ZFHX4: variants seen among roughly 807,000 people sequenced by gnomAD.
ZFHX4 encodes the protein zinc finger homeobox protein 4.
Under a neutral mutation model 267.6 loss-of-function variants are expected in ZFHX4, and 56 were observed. The ratio of observed to expected loss-of-function variants is 0.21; its 90% CI spans 0.17 to 0.26. The LOEUF (loss-of-function observed/expected upper bound fraction) is 0.26. ZFHX4 is among the 10% of genes least tolerant of loss of function. ZFHX4 has a pLI of 1.00. For missense variants in ZFHX4, 4,332 were observed against 4,420.0 expected, an observed-to-expected ratio of 0.98 and a Z score of 0.56; for synonymous variants, 1,778 against 1,665.6, an observed-to-expected ratio of 1.07 and a Z score of -1.64.
intron 3 of ZFHX4, among the ~76,000 whole-genome samples, chr8:76,731,432 G>T (rs919089446): frequency 6.6e-6 from 1 of 152,146 alleles, no homozygotes; most frequent in African/African-American, 2.4e-5. Context: ...AGAATTGGTT[G>T]TTTCCTCTTC....
chr8:76,787,569 G>A (rs144568510), intron 4 of ZFHX4, among the ~76,000 whole-genome samples: 3 of 150,878 alleles, frequency 2.0e-5, no homozygotes, highest in Admixed American at 6.6e-5. Context: ...TTGGAAGGCC[G>A]AGGTGGGCGG....
chr8:76,684,958 A>G (rs1807654587), intron 1 of ZFHX4, among the ~76,000 whole-genome samples: 1 of 152,218 alleles, frequency 6.6e-6, no homozygotes, highest in Admixed American at 6.5e-5. Context: ...ACAATATTAG[A>G]TCCTGCACTG....
chr8:76,744,635 A>G (rs112131675), intron 3 of ZFHX4, among the ~76,000 whole-genome samples: 2,252 of 151,920 alleles, frequency 0.015, 66 homozygotes, highest in African/African-American at 0.05. Flanking sequence ...CAGGTCTTGC[A>G]CTCCTGACCT....
At chr8:76,756,549 A>C (rs1461500249) in intron 3 of ZFHX4, among the ~76,000 whole-genome samples, 4 of 151,966 alleles carry the variant, frequency 2.6e-5, no homozygotes, top group African/African-American at 9.7e-5. Context: ...ATTTTGTCTA[A>C]TTTTAGTTCA....
chr8:76,782,030 T>G (rs1342711790), intron 4 of ZFHX4: 4 of 309,498 alleles, frequency 1.3e-5, no homozygotes, highest in Non-Finnish European at 2.6e-5. Flanking sequence ...CCATGGAATT[T>G]CCATTTTACT....
At chr8:76,693,062 G>A (rs1807863567) in intron 1 of ZFHX4, among the ~76,000 whole-genome samples, 1 of 152,114 alleles carries the variant, frequency 6.6e-6, no homozygotes, top group Admixed American at 6.5e-5. Context: ...TTGTTTAAGT[G>A]TCTCCTCAAA....
chr8:76,694,682 C>CCCTGCT (rs1807909615), intron 1 of ZFHX4, among the ~76,000 whole-genome samples: 2 of 121,352 alleles, frequency 1.6e-5, no homozygotes, highest in African/African-American at 6.0e-5. Flanking sequence ...ACCCTCCGCC[C>CCCTGCT]CCTGCTCCCG....
intron 4 of ZFHX4, among the ~76,000 whole-genome samples, chr8:76,793,445 A>G (rs906463742): frequency 2.0e-5 from 3 of 152,216 alleles, no homozygotes; most frequent in African/African-American, 7.2e-5. Flanking sequence ...AAAAATCCCT[A>G]CTTGATTTCA....
At chr8:76,756,454 G>T (rs192624518) in intron 3 of ZFHX4, among the ~76,000 whole-genome samples, 234 of 152,148 alleles carry the variant, frequency 1.5e-3, no homozygotes, top group African/African-American at 5.3e-3. Context: ...GGGATGGGTG[G>T]GTAGAGGCTC....
chr8:76,863,732 C>G lies in ZFHX4; in HGVS notation c.10018C>G (p.Gln3340Glu), dbSNP rs1197529578. Residue 3340 changes from glutamine (Q) to glutamate (E), a missense_variant, in exon 11 of 11, where the codon CAG (glutamine) becomes GAG (glutamate). This residue lies in a region of ZFHX4 where 1,648 missense variants were observed against 1,625.0 expected (regional missense o/e 1.01). Transcript: ENST00000651372. ...AAAGCAGCAAAAGCAACAGCAAGAA[C>G]AGCAGCAGAAACCAGTTCAGGCAAA... ...LQKQQKQQQE[Q>E]QQKPVQAKTS... 6.4e-7 allele frequency: 1 copy of G among 1,557,942 alleles called. No homozygotes were observed. The highest frequency in any genetic ancestry group is 8.7e-7 in the Non-Finnish European group (1 of 1,150,460).
At chr8:76,759,050 A>G (rs73233404) in intron 3 of ZFHX4, among the ~76,000 whole-genome samples, 2,594 of 152,362 alleles carry the variant, frequency 0.017, 81 homozygotes, top group African/African-American at 0.058. Context: ...ACTTCAAGAA[A>G]GATTTTCTTT....
chr8:76,839,695 T>G (rs1206176421), intron 5 of ZFHX4, among the ~76,000 whole-genome samples: 1 of 152,220 alleles, frequency 6.6e-6, no homozygotes, highest in Non-Finnish European at 1.5e-5. Context: ...AAAACCGCTT[T>G]GGCATCTTTA....
chr8:76,753,393 A>G (rs1050267919), intron 3 of ZFHX4, among the ~76,000 whole-genome samples: 6 of 152,142 alleles, frequency 3.9e-5, no homozygotes, highest in African/African-American at 4.8e-5. Context: ...CAATTAATTT[A>G]TTTTAAAATA....
chr8:76,683,723 T>C (rs1807617395), intron 1 of ZFHX4: 1 of 151,054 alleles, frequency 6.6e-6, no homozygotes, highest in Non-Finnish European at 1.5e-5. Context: ...TTTTATTGTG[T>C]TCTCCTGGAT....
At chr8:76,756,890 T>TA (rs1181888758) in intron 3 of ZFHX4, among the ~76,000 whole-genome samples, 1 of 152,200 alleles carries the variant, frequency 6.6e-6, no homozygotes, top group African/African-American at 2.4e-5. Context: ...GCCAAATTTT[T>TA]AAAAAAGGTT....
intron 3 of ZFHX4, among the ~76,000 whole-genome samples, chr8:76,747,533 G>T (rs1238651103): frequency 1.3e-5 from 2 of 152,060 alleles, no homozygotes; most frequent in Non-Finnish European, 2.9e-5. Flanking sequence ...AAAATAATGT[G>T]ACTATAGTGT....
chr8:76,823,823 C>A (rs1035773300), intron 4 of ZFHX4, among the ~76,000 whole-genome samples: 1 of 151,988 alleles, frequency 6.6e-6, no homozygotes, highest in African/African-American at 2.4e-5. Flanking sequence ...AATAAATAAC[C>A]CAACCTATGA....
chr8:76,755,446 T>C (rs1194690299), intron 3 of ZFHX4, among the ~76,000 whole-genome samples: 1 of 152,192 alleles, frequency 6.6e-6, no homozygotes, highest in Non-Finnish European at 1.5e-5. Flanking sequence ...ATTAGTTAAG[T>C]CTTCATTAAC....
At position 76,849,438 on chromosome 8, in the gene ZFHX4, C is replaced by A. The variant is rs1812451701; in HGVS notation, c.3646-74C>A. 5.0e-6 allele frequency: 7 copies of A among 1,395,710 alleles called. No individual in the cohort carries two copies. The South Asian group carries it at 7.0e-5, about 14-fold the overall frequency. 86.5% of individuals were successfully genotyped at this position (1,395,710 alleles called of 1,614,324 possible). ...TGTACCAAAATATCACACGTACCCC[C>A]AAAATACAACTACTATGTATCAAAT... On this transcript the variant is annotated intron_variant, in intron 7 of 10. Coordinates refer to ENST00000651372, the MANE Select transcript of ZFHX4 (RefSeq NM_024721.5).
Sources: allele counts gnomAD v4.1 joint callset (sites outside exome capture counted in the v4.1 genomes callset), GRCh38; gene constraint gnomAD v4.1.1; regional missense constraint gnomAD v4.1.1; transcripts MANE v1.5; gene names NCBI Gene and HGNC (gene_info 2026-07-23, HGNC 2026-07-21).